Variants in THRB observed in about 807,000 individuals in gnomAD.
THRB encodes nuclear receptor subfamily 1 group A member 2.
In THRB, 12 loss-of-function variants were observed where a neutral mutation model predicts 47.8. That is an observed-to-expected ratio of 0.25 (90% confidence interval 0.16 to 0.41). The LOEUF (loss-of-function observed/expected upper bound fraction) is 0.41. Ranked by LOEUF, THRB falls within the 10% of genes least tolerant of loss-of-function variation. THRB has a pLI of 1.00. For synonymous variants in THRB, 218 were observed against 212.2 expected (o/e 1.03, Z -0.24); for missense variants, 348 against 589.2 (o/e 0.59, Z 4.24).
intron 1 of THRB, among the ~76,000 whole-genome samples, chr3:24,353,832 G>A (rs1033836099): frequency 6.6e-6 from 1 of 151,972 alleles, no homozygotes; most frequent in Non-Finnish European, 1.5e-5. Context: ...CATATGCATA[G>A]CAAATTTTAA....
chr3:24,184,761 A>C (rs1177904294), intron 5 of THRB, among the ~76,000 whole-genome samples: 2 of 152,176 alleles, frequency 1.3e-5, no homozygotes, highest in South Asian at 2.1e-4. Context: ...GGGACTGCAG[A>C]TCCTGATGTA....
At chr3:24,125,640 C>T (rs1020989008) in intron 10 of THRB, among the ~76,000 whole-genome samples, 4 of 152,084 alleles carry the variant, frequency 2.6e-5, no homozygotes, top group African/African-American at 9.7e-5. Flanking sequence ...GACTGTGGGC[C>T]CCATTTCTTG....
chr3:24,339,786 G>A (rs1056534293), intron 1 of THRB, among the ~76,000 whole-genome samples: 1 of 152,190 alleles, frequency 6.6e-6, no homozygotes, highest in Non-Finnish European at 1.5e-5. Flanking sequence ...AACAGGGGCT[G>A]TGAATTTCTT....
At chr3:24,475,454 T>C (rs928708290) in intron 1 of THRB, among the ~76,000 whole-genome samples, 1 of 152,144 alleles carries the variant, frequency 6.6e-6, no homozygotes, top group East Asian at 1.9e-4. Flanking sequence ...AATGTTAGAA[T>C]TGTTTTTCTG....
intron 2 of THRB, among the ~76,000 whole-genome samples, chr3:24,298,480 C>T (rs1442156499): frequency 6.6e-6 from 1 of 152,140 alleles, no homozygotes; most frequent in African/African-American, 2.4e-5. Context: ...ATTTTGAGGA[C>T]AAATGGCCTA....
intron 1 of THRB, among the ~76,000 whole-genome samples, chr3:24,396,289 C>T (rs2066957217): frequency 6.6e-6 from 1 of 152,072 alleles, no homozygotes; most frequent in African/African-American, 2.4e-5. Context: ...ATGCCTGGGC[C>T]ATACCCTAGA....
intron 7 of THRB, among the ~76,000 whole-genome samples, chr3:24,146,345 T>C (rs1006346702): frequency 3.3e-5 from 5 of 152,214 alleles, no homozygotes; most frequent in Non-Finnish European, 7.3e-5. Flanking sequence ...GACCTCTCAT[T>C]TGTAATCTCT....
chr3:24,211,320 C>A (rs745411439), intron 4 of THRB, among the ~76,000 whole-genome samples: 16 of 151,876 alleles, frequency 1.1e-4, no homozygotes, highest in Non-Finnish European at 2.1e-4. Context: ...TTTTTTCTTA[C>A]AAGCAATGAT....
Position 24,441,812 on chromosome 3 carries a change from C to A in THRB, c.-261+52840G>T, listed in dbSNP as rs549755667. ...TAGAGACTCCTTCCAAAACAGAAAA[C>A]CCTATCTCACTCTAGTCTCCCCATC... On this transcript the variant is annotated intron_variant, in intron 1 of 10. Transcript: ENST00000646209. Among the ~76,000 whole-genome samples, 4 of 152,204 alleles carry A rather than the reference C, an allele frequency of 2.6e-5. No homozygotes were observed. In the South Asian group the frequency reaches 8.3e-4, roughly 32 times the overall value.
chr3:24,197,907 G>T (rs898514161), intron 4 of THRB, among the ~76,000 whole-genome samples: 1 of 152,196 alleles, frequency 6.6e-6, no homozygotes, highest in Non-Finnish European at 1.5e-5. Context: ...TAAACCAACC[G>T]TGTTTTTACT....
chr3:24,375,908 G>T (rs2065254852), intron 1 of THRB, among the ~76,000 whole-genome samples: 1 of 152,032 alleles, frequency 6.6e-6, no homozygotes, highest in Admixed American at 6.6e-5. Flanking sequence ...AAGAAAATAA[G>T]GAGATAATTT....
chr3:24,387,399 C>T (rs1220111354), intron 1 of THRB, among the ~76,000 whole-genome samples: 1 of 152,162 alleles, frequency 6.6e-6, no homozygotes, highest in Non-Finnish European at 1.5e-5. Flanking sequence ...CCCTCTCCAG[C>T]CCAGTTGGCA....
intron 10 of THRB, among the ~76,000 whole-genome samples, chr3:24,125,273 T>C (rs1694083185): frequency 6.6e-6 from 1 of 152,150 alleles, no homozygotes; most frequent in Admixed American, 6.5e-5. Flanking sequence ...AGATCCACTC[T>C]CTCTTTGTTA....
At chr3:24,420,212 G>T (rs2069112749) in intron 1 of THRB, among the ~76,000 whole-genome samples, 1 of 151,816 alleles carries the variant, frequency 6.6e-6, no homozygotes, top group Non-Finnish European at 1.5e-5. Context: ...TATTTGTGAG[G>T]TCCAGTGAAA....
At chr3:24,402,373 T>G (rs532451681) in intron 1 of THRB, among the ~76,000 whole-genome samples, 1 of 151,968 alleles carries the variant, frequency 6.6e-6, no homozygotes, top group Non-Finnish European at 1.5e-5. Flanking sequence ...CCTTGAGGGG[T>G]TGCCACAAGC....
intron 1 of THRB, among the ~76,000 whole-genome samples, chr3:24,358,140 A>G (rs1194900154): frequency 6.6e-6 from 1 of 152,160 alleles, no homozygotes; most frequent in East Asian, 1.9e-4. Flanking sequence ...ACACTTTACT[A>G]TTAGATATTG....
chr3:24,389,870 CCA>C (rs1347450588), intron 1 of THRB, among the ~76,000 whole-genome samples: 9 of 152,128 alleles, frequency 5.9e-5, no homozygotes, highest in Non-Finnish European at 1.0e-4. Context: ...CTAAAGGCAA[CCA>C]CAGTCTTGAA....
chr3:24,446,022 A>T (rs1221584625), intron 1 of THRB, among the ~76,000 whole-genome samples: 1 of 152,226 alleles, frequency 6.6e-6, no homozygotes, highest in Non-Finnish European at 1.5e-5. Flanking sequence ...GCAGAGAAAA[A>T]AACTGGAAGA....
intron 1 of THRB, among the ~76,000 whole-genome samples, chr3:24,387,132 C>T (rs1577245078): frequency 6.6e-6 from 1 of 152,114 alleles, no homozygotes; most frequent in South Asian, 2.1e-4. Flanking sequence ...GGCTGCCTTA[C>T]TTCACAGGGA....
Sources: allele counts gnomAD v4.1 joint callset (sites outside exome capture counted in the v4.1 genomes callset), GRCh38; gene constraint gnomAD v4.1.1; transcripts MANE v1.5; gene names NCBI Gene and HGNC (gene_info 2026-07-23, HGNC 2026-07-21).